Variants in LARP1B observed in about 807,000 individuals in gnomAD.
The protein encoded by LARP1B is La ribonucleoprotein 1B.
LARP1B carries 76 observed loss-of-function variants against 114.2 expected under a neutral mutation model. The ratio of observed to expected loss-of-function variants is 0.67; its 90% confidence interval spans 0.55 to 0.81. LARP1B has a LOEUF of 0.81. Among genes scored for constraint, LARP1B ranks in the 30% least tolerant of loss-of-function variants. The probability of loss-of-function intolerance (pLI) is 0.00; values close to 1 mark genes in which losing one functional copy is unlikely to be tolerated. For missense variants in LARP1B, 1,014 were observed against 1,075.8 expected (o/e 0.94, Z 0.80); for synonymous variants, 345 against 348.0 (o/e 0.99, Z 0.10).
rs1758887859 is a variant in LARP1B, at chr4:128,210,998, TTTTG to T, written c.*949_*952del. 8 of 914,922 alleles carry T rather than the reference TTTTG, an allele frequency of 8.7e-6. No homozygotes were observed. The highest frequency in any genetic ancestry group is 9.1e-6 in the Non-Finnish European group (7 of 765,966). The allele number at this position is 914,922 out of a possible 1,614,324, so 56.7% of individuals were successfully genotyped here. A position where few individuals can be genotyped will look rare whatever the true frequency, so the allele number is the denominator to read the frequency against. ...ACTTAGTTTTACCTTTTTGTTTATT[TTTTG>T]TTTAATTTTGTTTTTATAAATGTTT... On this transcript the variant is annotated 3_prime_UTR_variant, in exon 20 of 20. Transcript: ENST00000326639.
intron 16 of LARP1B, among the ~76,000 whole-genome samples, chr4:128,200,066 A>G (rs960783138): frequency 1.3e-5 from 2 of 152,214 alleles, no homozygotes; most frequent in East Asian, 1.9e-4. Context: ...AGCCTGGGCA[A>G]CAGAGTGAGA....
chr4:128,126,888 CAG>C (rs1300946293), intron 11 of LARP1B, among the ~76,000 whole-genome samples: 1 of 149,306 alleles, frequency 6.7e-6, no homozygotes, highest in Non-Finnish European at 1.5e-5. Context: ...TACATTTAGT[CAG>C]AGTTCCAGAA....
At chr4:128,133,477 A>AT (rs1415627936) in intron 11 of LARP1B, among the ~76,000 whole-genome samples, 6 of 152,192 alleles carry the variant, frequency 3.9e-5, no homozygotes, top group Non-Finnish European at 5.9e-5. Context: ...TCCCAATGGC[A>AT]TTTTTTGCAC....
At chr4:128,138,933 G>T (rs1726656532) in intron 11 of LARP1B, among the ~76,000 whole-genome samples, 1 of 152,042 alleles carries the variant, frequency 6.6e-6, no homozygotes, top group Admixed American at 6.6e-5. Flanking sequence ...CAGCCCGGGT[G>T]ACAGAGTGAG....
intron 17 of LARP1B, among the ~76,000 whole-genome samples, chr4:128,200,924 G>T (rs972380003): frequency 1.3e-5 from 2 of 152,216 alleles, no homozygotes; most frequent in African/African-American, 4.8e-5. Flanking sequence ...CAGCTTCAAA[G>T]AGTTGAGACT....
intron 6 of LARP1B, among the ~76,000 whole-genome samples, chr4:128,217,025 AT>A (rs1265086211): frequency 4.6e-5 from 7 of 151,386 alleles, no homozygotes; most frequent in African/African-American, 1.7e-4. Flanking sequence ...CTCTACGCAA[AT>A]AAACTAGAAA....
At chr4:128,168,120 G>A (rs1741927421) in intron 12 of LARP1B, among the ~76,000 whole-genome samples, 2 of 151,940 alleles carry the variant, frequency 1.3e-5, no homozygotes, top group Admixed American at 6.6e-5. Flanking sequence ...ATTTCACTTG[G>A]GTAAATGCTT....
chr4:128,061,709 C>A (rs1482205701), intron 1 of LARP1B: 1 of 984,828 alleles, frequency 1.0e-6, no homozygotes, highest in Non-Finnish European at 1.2e-6. Context: ...TACTCGCGCC[C>A]CGATGCCCGC....
Position 128,082,151 on chromosome 4 carries a change from T to A in LARP1B, c.218-14T>A. 6.2e-7 allele frequency: 1 copy of A among 1,605,876 alleles called. No individual in the cohort carries two copies. Among genetic ancestry groups the A allele is most frequent in the Non-Finnish European group, 8.5e-7 (1 of 1,177,766 alleles). On this transcript the variant is annotated splice_polypyrimidine_tract_variant and intron_variant, in intron 4 of 19. Transcript: ENST00000326639. Reference sequence around the variant, plus strand: ...ATTGTACATTTGTCCTTAAATGATTTTGTTTTCTTCAAGCTAATAAGCACA... The same window carrying A: ...ATTGTACATTTGTCCTTAAATGATTATGTTTTCTTCAAGCTAATAAGCACA...
rs776382570 is a variant in LARP1B, at chr4:128,082,203, G to A, written c.256G>A (p.Val86Ile). The A allele has an allele frequency of 1.9e-6, 3 of 1,612,604 alleles. No homozygotes were observed. Among genetic ancestry groups the A allele is most frequent in the South Asian group, 2.2e-5 (2 of 91,010 alleles). ...GTGGGTACCACTCCACTTAGATGTT[G>A]TAAGATCAGAGAGTCAAGAAAGACC... ...HKWVPLHLDVVRSESQERPGS... is the reference protein window; with the variant it reads ...HKWVPLHLDVIRSESQERPGS... The change falls in exon 5 of 20, where the codon GTA (valine) becomes ATA (isoleucine). Residue 86 changes from valine to isoleucine, a missense_variant. By Grantham distance (29) the Val-to-Ile change is conservative. Transcript: ENST00000326639.
intron 17 of LARP1B, among the ~76,000 whole-genome samples, chr4:128,205,098 G>A (rs1048319482): frequency 6.6e-6 from 1 of 152,186 alleles, no homozygotes; most frequent in Non-Finnish European, 1.5e-5. Context: ...ATCACTTAAG[G>A]CTATGGGAGC....
chr4:128,061,852 C>T (rs1411191294), intron 1 of LARP1B: 1 of 984,756 alleles, frequency 1.0e-6, no homozygotes, highest in Non-Finnish European at 1.2e-6. Flanking sequence ...AGGAGAGGGC[C>T]GCGGCCGCCA....
intron 12 of LARP1B, among the ~76,000 whole-genome samples, chr4:128,170,182 A>T (rs138506644): frequency 6.6e-6 from 1 of 152,262 alleles, no homozygotes; most frequent in Non-Finnish European, 1.5e-5. Context: ...AACATACTTT[A>T]CATTATTTTA....
intron 3 of LARP1B, among the ~76,000 whole-genome samples, chr4:128,076,749 C>T (rs766712668): frequency 4.1e-4 from 62 of 151,778 alleles, no homozygotes; most frequent in Non-Finnish European, 6.3e-4. Flanking sequence ...TGTGTGAGAC[C>T]GGGTCTCACT....
rs150991642 is a variant in LARP1B at position 128,105,886 on chromosome 4, G to T, written c.814-1253G>T. ...AGCCTGGGTGACAGAGTGAGACTCC[G>T]TCTCAAAAAATAAAAATAATAATAA... On this transcript the variant is annotated intron_variant, in intron 8 of 19. Coordinates refer to ENST00000326639, the MANE Select transcript of LARP1B (RefSeq NM_018078.4). Among the ~76,000 whole-genome samples the T allele has an allele frequency of 1.1e-3, 170 of 152,026 alleles. 2 individuals are homozygous for T. In the East Asian group the frequency reaches 0.03, roughly 27 times the overall value.
At chr4:128,152,967 GT>G (rs1163299021) in intron 11 of LARP1B, among the ~76,000 whole-genome samples, 2 of 128,446 alleles carry the variant, frequency 1.6e-5, no homozygotes, top group African/African-American at 5.8e-5. Context: ...TACAATTTTG[GT>G]TTGCCTTTTT....
intron 15 of LARP1B, among the ~76,000 whole-genome samples, chr4:128,181,877 C>G (rs1469655724): frequency 6.8e-6 from 1 of 146,228 alleles, no homozygotes; most frequent in Non-Finnish European, 1.5e-5. Flanking sequence ...GTGATCTCAG[C>G]TCACTGCAAG....
At chr4:128,176,134 GTATATATATTTATAT>G (rs1561495876) in intron 12 of LARP1B, among the ~76,000 whole-genome samples, 1 of 135,914 alleles carries the variant, frequency 7.4e-6, no homozygotes, top group African/African-American at 2.7e-5. Context: ...ATATATGTGT[GTATATATATTTATAT>G]TATATATATA....
intron 8 of LARP1B, 92 bp from the exon 9 acceptor site, chr4:128,107,047 T>C (rs1009739883): frequency 7.9e-6 from 8 of 1,017,490 alleles, no homozygotes; most frequent in Non-Finnish European, 1.2e-5. Context: ...ATTAGTTTGC[T>C]AATTTCAGGT....
Sources: gnomAD v4.1 joint callset for allele counts (sites outside exome capture counted in the v4.1 genomes callset) on GRCh38, gnomAD v4.1.1 for gene constraint, MANE v1.5 for transcripts, NCBI Gene and HGNC (gene_info 2026-07-23, HGNC 2026-07-21) for gene names.